FHOD3: variants seen among roughly 807,000 people sequenced by gnomAD.
FHOD3 encodes formin homology 2 domain containing 3.
Under a neutral mutation model 173.0 loss-of-function variants are expected in FHOD3, and 90 were observed. The observed-to-expected ratio is 0.52, with a 90% CI of 0.44 to 0.62. The LOEUF (loss-of-function observed/expected upper bound fraction) is 0.62, where lower values mean the gene tolerates loss of function less well. Among genes scored for constraint, FHOD3 ranks in the 20% least tolerant of loss-of-function variants. The pLI, the probability that FHOD3 is intolerant of heterozygous loss-of-function variation, is 0.00. For synonymous variants in FHOD3, 828 were observed against 823.0 expected (o/e 1.01, Z -0.10); for missense variants, 1,945 against 2,034.7 (o/e 0.96, Z 0.85).
intron 6 of FHOD3, among the ~76,000 whole-genome samples, chr18:36,590,023 G>A (rs2059160367): frequency 6.6e-6 from 1 of 152,134 alleles, no homozygotes. Flanking sequence ...GCCACACTGT[G>A]GTGTGTGCTC....
At chr18:36,320,091 A>G (rs2044319239) in intron 1 of FHOD3, among the ~76,000 whole-genome samples, 1 of 152,260 alleles carries the variant, frequency 6.6e-6, no homozygotes, top group African/African-American at 2.4e-5. Flanking sequence ...GCAAGAGCAA[A>G]CAAATTCAAA....
intron 5 of FHOD3, among the ~76,000 whole-genome samples, chr18:36,542,231 A>G (rs1259390282): frequency 6.6e-6 from 1 of 152,206 alleles, no homozygotes; most frequent in East Asian, 1.9e-4. Flanking sequence ...TCAGAGCTAG[A>G]TCCCATACAG....
intron 3 of FHOD3, among the ~76,000 whole-genome samples, chr18:36,395,074 T>C (rs1417221787): frequency 6.6e-6 from 1 of 152,144 alleles, no homozygotes; most frequent in Non-Finnish European, 1.5e-5. Context: ...ATTTACCCAC[T>C]TAAATTTATA....
intron 8 of FHOD3, among the ~76,000 whole-genome samples, chr18:36,606,907 C>G (rs141083414): frequency 1.8e-3 from 279 of 152,354 alleles, no homozygotes; most frequent in African/African-American, 6.6e-3. Flanking sequence ...TATTTTGACT[C>G]CATGTCCCAC....
At chr18:36,595,920 A>G (rs759038123) in intron 7 of FHOD3, among the ~76,000 whole-genome samples, 6 of 152,218 alleles carry the variant, frequency 3.9e-5, no homozygotes, top group Non-Finnish European at 5.9e-5. Context: ...TAACTGTAAT[A>G]CTACTGTTAC....
At chr18:36,477,491 C>T (rs1456155006) in intron 3 of FHOD3, among the ~76,000 whole-genome samples, 1 of 50,024 alleles carries the variant, frequency 2.0e-5, no homozygotes, top group Non-Finnish European at 3.5e-5. Flanking sequence ...ACCCACCCAT[C>T]CATCCATCCA....
intron 8 of FHOD3, among the ~76,000 whole-genome samples, chr18:36,605,594 T>C (rs1403274160): frequency 3.3e-5 from 5 of 152,224 alleles, no homozygotes; most frequent in Admixed American, 3.3e-4. Context: ...GTGTGAGTTA[T>C]TTATATCCTG....
At chr18:36,481,315 A>G (rs1482490579) in intron 3 of FHOD3, among the ~76,000 whole-genome samples, 1 of 152,138 alleles carries the variant, frequency 6.6e-6, no homozygotes, top group Non-Finnish European at 1.5e-5. Context: ...CAAGTGAGCC[A>G]AAACTCTCCC....
intron 27 of FHOD3, among the ~76,000 whole-genome samples, chr18:36,766,578 G>C (rs1030111692): frequency 6.6e-6 from 1 of 152,190 alleles, no homozygotes; most frequent in Non-Finnish European, 1.5e-5. Flanking sequence ...ACATGACTAG[G>C]AAGAATGGAA....
intron 3 of FHOD3, among the ~76,000 whole-genome samples, chr18:36,387,823 C>T (rs1344792101): frequency 6.6e-6 from 1 of 152,068 alleles, no homozygotes; most frequent in East Asian, 1.9e-4. Context: ...CTGTCATTGC[C>T]CCTTGCTTTG....
At chr18:36,669,119 C>T (rs1841870029) in intron 14 of FHOD3, among the ~76,000 whole-genome samples, 1 of 151,746 alleles carries the variant, frequency 6.6e-6, no homozygotes, top group Admixed American at 6.6e-5. Flanking sequence ...TATTAGTTTT[C>T]CCTCGTATCT....
chr18:36,614,151 C>A (rs1310853428), intron 9 of FHOD3, among the ~76,000 whole-genome samples: 1 of 152,202 alleles, frequency 6.6e-6, no homozygotes, highest in Non-Finnish European at 1.5e-5. Flanking sequence ...CACCCATTAG[C>A]AGACACTCTA....
In FHOD3 at chr18:36,611,972, C is replaced by A. The variant is rs924000303; in HGVS notation, c.834C>A (p.Asp278Glu). The change falls in exon 9 of 29, where the codon GAC becomes GAA. Residue 278 changes from aspartate (D) to glutamate (E), a missense_variant. Physicochemically the swap from Asp to Glu is conservative, Grantham distance 45. This residue lies in a region of FHOD3 where 1,099 missense variants were observed against 1,051.2 expected (regional missense o/e 1.05). Coordinates refer to ENST00000590592, the MANE Select transcript of FHOD3 (RefSeq NM_001281740.3). ...LVNKTLSGLPDQDTFYDVVDC... is the reference protein window; with the variant it reads ...LVNKTLSGLPEQDTFYDVVDC... ...TCCAGACGTTATCAGGACTACCAGA[C>A]CAAGACACCTTCTACGACGTCGTGG... 6.2e-7 allele frequency: 1 copy of A among 1,613,920 alleles called. No homozygotes were observed. The highest frequency in any genetic ancestry group is 1.3e-5 in the African/African-American group (1 of 74,918).
chr18:36,460,008 A>G (rs1359443745), intron 3 of FHOD3, among the ~76,000 whole-genome samples: 1 of 152,182 alleles, frequency 6.6e-6, no homozygotes, highest in South Asian at 2.1e-4. Flanking sequence ...TGCTGGTCAG[A>G]TATTGAGTAA....
At chr18:36,642,052 C>T (rs28782925) in intron 10 of FHOD3, among the ~76,000 whole-genome samples, 10,770 of 151,958 alleles carry the variant, frequency 0.071, 654 homozygotes, top group East Asian at 0.24. Context: ...AAACCAAATA[C>T]TGCCTCTTCT....
In FHOD3 at chr18:36,393,708, G is replaced by A. The variant is rs149539376; in HGVS notation, c.337+20964G>A. On this transcript the variant is annotated intron_variant, in intron 3 of 28. Transcript: ENST00000590592. Reference sequence around the variant, plus strand: ...CCAACTAGACCTGGAGAATACAAAGGGGAGTGAAATGAGCCTAATTCTCTA... The same window carrying A: ...CCAACTAGACCTGGAGAATACAAAGAGGAGTGAAATGAGCCTAATTCTCTA... Among the ~76,000 whole-genome samples the A allele has an allele frequency of 3.5e-4, 54 of 152,278 alleles. No individual in the cohort carries two copies. The East Asian group carries it at 8.5e-3, about 24-fold the overall frequency.
intron 5 of FHOD3, among the ~76,000 whole-genome samples, chr18:36,546,842 C>T (rs886941427): frequency 3.9e-5 from 6 of 152,180 alleles, no homozygotes; most frequent in African/African-American, 1.2e-4. Flanking sequence ...ACTCACTTCA[C>T]GCTTCTTTAC....
intron 17 of FHOD3, among the ~76,000 whole-genome samples, chr18:36,702,666 A>G (rs2039653696): frequency 6.6e-6 from 1 of 152,232 alleles, no homozygotes; most frequent in Admixed American, 6.5e-5. Context: ...AGCCACCCAG[A>G]GATGTATCAA....
chr18:36,353,934 C>T (rs2046246557), intron 1 of FHOD3, among the ~76,000 whole-genome samples: 1 of 143,724 alleles, frequency 7.0e-6, no homozygotes, highest in South Asian at 2.1e-4. Flanking sequence ...TTCAAGGTCT[C>T]CTCTGGCTCC....
Sources: gnomAD v4.1 joint callset for allele counts (sites outside exome capture counted in the v4.1 genomes callset) on GRCh38, gnomAD v4.1.1 for gene constraint, gnomAD v4.1.1 regional missense constraint, MANE v1.5 for transcripts, NCBI Gene and HGNC (gene_info 2026-07-23, HGNC 2026-07-21) for gene names.